The following PRICKLE1 variants were observed in gnomAD, a reference collection of about 807,000 sequenced individuals.
The protein encoded by PRICKLE1 is prickle-like protein 1.
PRICKLE1 carries 14 observed loss-of-function variants against 70.2 expected under a neutral mutation model. The observed-to-expected ratio is 0.20, with a 90% CI of 0.13 to 0.31. The LOEUF (loss-of-function observed/expected upper bound fraction) is 0.31, where lower values mean the gene tolerates loss of function less well. PRICKLE1 is among the 10% of genes least tolerant of loss of function. PRICKLE1 has a pLI of 1.00. For synonymous variants in PRICKLE1, 357 were observed against 379.9 expected (o/e 0.94, Z 0.70); for missense variants, 821 against 1,026.2 (o/e 0.80, Z 2.73).
At chr12:42,566,001 G>C (rs1382862544) in intron 1 of PRICKLE1, among the ~76,000 whole-genome samples, 1 of 152,234 alleles carries the variant, frequency 6.6e-6, no homozygotes, top group East Asian at 1.9e-4. Flanking sequence ...GACAATGGAA[G>C]CCAGTCTGTG....
chr12:42,586,904 AAG>A (rs1940995153), intron 1 of PRICKLE1, among the ~76,000 whole-genome samples: 1 of 152,208 alleles, frequency 6.6e-6, no homozygotes, highest in Non-Finnish European at 1.5e-5. Context: ...GAATTATCAA[AAG>A]AGAGAATATT....
chr12:42,539,323 C>G (rs200581796), intron 1 of PRICKLE1, among the ~76,000 whole-genome samples: 1 of 152,006 alleles, frequency 6.6e-6, no homozygotes, highest in South Asian at 2.1e-4. Context: ...AAAAAATTAG[C>G]CGGGCGTGGG....
At chr12:42,567,039 C>T (rs530890131) in intron 1 of PRICKLE1, among the ~76,000 whole-genome samples, 1 of 152,180 alleles carries the variant, frequency 6.6e-6, no homozygotes, top group Non-Finnish European at 1.5e-5. Flanking sequence ...TGGAACTAAA[C>T]TGGGCTCATG....
At chr12:42,491,067 G>A (rs1939095640) in intron 1 of PRICKLE1, among the ~76,000 whole-genome samples, 1 of 150,764 alleles carries the variant, frequency 6.6e-6, no homozygotes, top group Admixed American at 6.6e-5. Flanking sequence ...GAAAGACAAG[G>A]TTTCACCATG....
intron 1 of PRICKLE1, among the ~76,000 whole-genome samples, chr12:42,498,580 C>G (rs1004670840): frequency 1.3e-5 from 2 of 152,088 alleles, no homozygotes. Context: ...CCCAGGAGAT[C>G]GAGACCAACC....
intron 1 of PRICKLE1, among the ~76,000 whole-genome samples, chr12:42,541,494 CG>C (rs1940114950): frequency 6.6e-6 from 1 of 151,698 alleles, no homozygotes; most frequent in East Asian, 1.9e-4. Context: ...CACACTGCCA[CG>C]CCCAGCTAAT....
intron 1 of PRICKLE1, among the ~76,000 whole-genome samples, chr12:42,567,599 A>C (rs1470662628): frequency 6.6e-6 from 1 of 152,138 alleles, no homozygotes; most frequent in Non-Finnish European, 1.5e-5. Context: ...AGGCTGAGGC[A>C]GATGGATCAC....
At chr12:42,497,858 T>G in intron 1 of PRICKLE1, among the ~76,000 whole-genome samples, 1 of 147,792 alleles carries the variant, frequency 6.8e-6, no homozygotes, top group Non-Finnish European at 1.5e-5. Context: ...GTATCTTTCC[T>G]CCCTACTCCT....
At chr12:42,465,453 T>G (rs1269995915) in intron 6 of PRICKLE1, 195 bp from the exon 7 acceptor site, 3 of 601,704 alleles carry the variant, frequency 5.0e-6, no homozygotes, top group Non-Finnish European at 8.7e-6. Context: ...TATTCACAAC[T>G]CCCAAACTAA....
At chr12:42,486,593 G>A (rs375379763) in intron 1 of PRICKLE1, among the ~76,000 whole-genome samples, 3 of 152,046 alleles carry the variant, frequency 2.0e-5, no homozygotes, top group East Asian at 1.9e-4. Context: ...AGCCAGCTGC[G>A]TTGGGTCTGG....
In PRICKLE1 at chr12:42,465,215, G is replaced by A. The variant is rs763656364; in HGVS notation, c.819C>T (p.His273=). Residue 273 remains histidine (H), a synonymous_variant, in exon 7 of 8, where the codon CAC becomes CAT. Transcript: ENST00000345127. ...CACAAGAAAAGCAGGCTTCCGTGGC[G>A]TGCCAGTGCTGCCCGTCATAGGTCA... ...AQMTYDGQHW[H]ATEACFSCAQ... is the part of the protein sequence containing the mutation. 32 of 1,613,396 alleles carry A rather than the reference G, an allele frequency of 2.0e-5. No homozygotes were observed. Among genetic ancestry groups the A allele is most frequent in the Middle Eastern group, 1.6e-4 (1 of 6,074 alleles).
At chr12:42,502,037 T>C (rs1017980880) in intron 1 of PRICKLE1, among the ~76,000 whole-genome samples, 1 of 152,076 alleles carries the variant, frequency 6.6e-6, no homozygotes, top group Non-Finnish European at 1.5e-5. Flanking sequence ...GTGTGACAGT[T>C]AATTTACAGA....
intron 3 of PRICKLE1, chr12:42,469,829 C>T (rs965774132): frequency 1.9e-6 from 1 of 525,786 alleles, no homozygotes; most frequent in African/African-American, 2.7e-5. Flanking sequence ...CCCTTATCAA[C>T]ACAGAATTAA....
At chr12:42,511,810 T>C (rs915729345) in intron 1 of PRICKLE1, among the ~76,000 whole-genome samples, 1 of 152,188 alleles carries the variant, frequency 6.6e-6, no homozygotes, top group Admixed American at 6.5e-5. Flanking sequence ...ACTTGAAAGG[T>C]TTTCTTTACT....
chr12:42,552,569 A>AT (rs1940335380), intron 1 of PRICKLE1, among the ~76,000 whole-genome samples: 1 of 152,204 alleles, frequency 6.6e-6, no homozygotes, highest in South Asian at 2.1e-4. Context: ...AATTAGCAAT[A>AT]AAGTCTCAGG....
chr12:42,518,190 T>C (rs940906381), intron 1 of PRICKLE1, among the ~76,000 whole-genome samples: 1 of 151,830 alleles, frequency 6.6e-6, no homozygotes. Flanking sequence ...AACACAGGCA[T>C]GCACCACCAT....
chr12:42,518,654 T>A (rs1939652454), intron 1 of PRICKLE1, among the ~76,000 whole-genome samples: 1 of 152,228 alleles, frequency 6.6e-6, no homozygotes, highest in Non-Finnish European at 1.5e-5. Flanking sequence ...AAAACATTAT[T>A]GAATTTATCT....
intron 1 of PRICKLE1, among the ~76,000 whole-genome samples, chr12:42,532,584 A>T (rs1466196099): frequency 6.6e-6 from 1 of 152,216 alleles, no homozygotes; most frequent in East Asian, 1.9e-4. Flanking sequence ...GTAATGAGAT[A>T]TTTTACTTTT....
At chr12:42,568,670 G>GA (rs1339458945) in intron 1 of PRICKLE1, among the ~76,000 whole-genome samples, 1 of 152,172 alleles carries the variant, frequency 6.6e-6, no homozygotes, top group African/African-American at 2.4e-5. Context: ...TCATAATTCA[G>GA]AAGAAATATA....
Sources: allele counts gnomAD v4.1 joint callset (sites outside exome capture counted in the v4.1 genomes callset), GRCh38; gene constraint gnomAD v4.1.1; transcripts MANE v1.5; gene names NCBI Gene and HGNC (gene_info 2026-07-23, HGNC 2026-07-21).